Variants in CNOT6 observed in about 807,000 individuals in gnomAD.
CNOT6 encodes carbon catabolite repression 4 protein.
Under a neutral mutation model 61.2 loss-of-function variants are expected in CNOT6, and 12 were observed. That is an observed-to-expected ratio of 0.20 (90% CI 0.13 to 0.32). CNOT6 has a LOEUF of 0.32. CNOT6 is among the 10% of genes least tolerant of loss of function. The pLI is 1.00. For synonymous variants in CNOT6, 225 were observed against 240.6 expected (o/e 0.94, Z 0.60); for missense variants, 405 against 663.9 (o/e 0.61, Z 4.28).
intron 1 of CNOT6, among the ~76,000 whole-genome samples, chr5:180,520,957 G>C (rs1008910778): frequency 1.5e-4 from 23 of 151,492 alleles, no homozygotes; most frequent in African/African-American, 5.6e-4. Context: ...CAATTCTCCT[G>C]CCTCAGCCTC....
At chr5:180,527,364 C>T (rs1391804609) in intron 1 of CNOT6, among the ~76,000 whole-genome samples, 2 of 152,058 alleles carry the variant, frequency 1.3e-5, no homozygotes, top group East Asian at 1.9e-4. Context: ...GATATTTGGT[C>T]TTTTGTCATC....
At chr5:180,533,845 A>C (rs537657512) in intron 2 of CNOT6, among the ~76,000 whole-genome samples, 21 of 152,260 alleles carry the variant, frequency 1.4e-4, no homozygotes, top group African/African-American at 5.1e-4. Flanking sequence ...ACTCACACCA[A>C]GGAGATTATT....
chr5:180,544,968 A>C (rs1230486169), intron 2 of CNOT6, among the ~76,000 whole-genome samples: 1 of 152,194 alleles, frequency 6.6e-6, no homozygotes, highest in African/African-American at 2.4e-5. Context: ...GTCTCAAAAA[A>C]ACAACAAATT....
intron 2 of CNOT6, among the ~76,000 whole-genome samples, chr5:180,546,115 C>T (rs1161002047): frequency 3.3e-5 from 5 of 151,890 alleles, no homozygotes; most frequent in African/African-American, 7.3e-5. Context: ...AGGATGGTCT[C>T]GATGTCCTGA....
chr5:180,525,268 G>C (rs917138634), intron 1 of CNOT6, among the ~76,000 whole-genome samples: 17 of 152,154 alleles, frequency 1.1e-4, no homozygotes, highest in Non-Finnish European at 2.2e-4. Context: ...CGGGTGCGGT[G>C]GCTCATGCCT....
chr5:180,550,869 G>A (rs577821772), intron 3 of CNOT6, among the ~76,000 whole-genome samples: 3 of 152,266 alleles, frequency 2.0e-5, no homozygotes, highest in South Asian at 2.1e-4. Context: ...AAATTTGGGG[G>A]CCTGTAGCAT....
intron 6 of CNOT6, among the ~76,000 whole-genome samples, 167 bp downstream of exon 6, chr5:180,564,910 A>T (rs902419103): frequency 6.6e-6 from 1 of 152,248 alleles, no homozygotes; most frequent in East Asian, 1.9e-4. Flanking sequence ...CTCTATGTAT[A>T]CTACATTGTG....
At chr5:180,541,560 T>C (rs1424740524) in intron 2 of CNOT6, among the ~76,000 whole-genome samples, 1 of 148,588 alleles carries the variant, frequency 6.7e-6, no homozygotes, top group Non-Finnish European at 1.5e-5. Context: ...CACAGCATTT[T>C]CCTGCCTCAG....
intron 10 of CNOT6, among the ~76,000 whole-genome samples, chr5:180,570,978 G>A (rs1760720871): frequency 6.6e-6 from 1 of 152,172 alleles, no homozygotes; most frequent in African/African-American, 2.4e-5. Flanking sequence ...TTATCCACCA[G>A]CCCAATTGCA....
At chr5:180,538,588 C>A (rs1201483219) in intron 2 of CNOT6, among the ~76,000 whole-genome samples, 1 of 150,536 alleles carries the variant, frequency 6.6e-6, no homozygotes, top group Non-Finnish European at 1.5e-5. Flanking sequence ...GTCAGGAGGC[C>A]TAGGCAGGAG....
At chr5:180,538,069 C>T (rs995422540) in intron 2 of CNOT6, among the ~76,000 whole-genome samples, 44 of 134,010 alleles carry the variant, frequency 3.3e-4, no homozygotes, top group African/African-American at 1.0e-3. Flanking sequence ...GACGGAGTCT[C>T]GCTCTGTTGC....
chr5:180,531,093 A>G (rs1365998334), intron 2 of CNOT6, among the ~76,000 whole-genome samples: 1 of 151,710 alleles, frequency 6.6e-6, no homozygotes, highest in Non-Finnish European at 1.5e-5. Context: ...CACCTCCCAG[A>G]TGGGGTGGCG....
At position 180,500,261 on chromosome 5, in the gene CNOT6, C is replaced by A. The variant is rs116104040; in HGVS notation, c.-3+5498C>A. Reference sequence around the variant, plus strand: ...GAGTACCTGGTATCACAGGTGTGTGCCACCACACCTGGCTGATTTTTCTTA... The same window carrying A: ...GAGTACCTGGTATCACAGGTGTGTGACACCACACCTGGCTGATTTTTCTTA... On this transcript the variant is annotated intron_variant, in intron 1 of 11. Coordinates refer to ENST00000261951, the MANE Select transcript of CNOT6 (RefSeq NM_001370472.1). Among the ~76,000 whole-genome samples, 379 of 151,962 alleles carry A rather than the reference C, an allele frequency of 2.5e-3. 1 individual carries two copies. Among genetic ancestry groups the A allele is most frequent in the African/African-American group, 8.7e-3 (359 of 41,432 alleles).
chr5:180,538,715 TAC>T lies in CNOT6; in HGVS notation c.112+9329_112+9330del, dbSNP rs973744578. ...ATATATATATATATATATATATATA[TAC>T]AAAAAAATTAGCCAGGTGTGGTAGT... On this transcript the variant is annotated intron_variant, in intron 2 of 11. Transcript: ENST00000261951. Among the ~76,000 whole-genome samples the T allele has an allele frequency of 3.6e-5, 5 of 138,358 alleles. 1 individual carries two copies. Among genetic ancestry groups the T allele is most frequent in the African/African-American group, 1.4e-4 (5 of 36,290 alleles). 90.8% of individuals were successfully genotyped at this position (138,358 alleles called of 152,430 possible).
intron 2 of CNOT6, among the ~76,000 whole-genome samples, chr5:180,530,561 C>CTTTTTTTTTTTT (rs70973925): frequency 1.7e-5 from 2 of 119,446 alleles, no homozygotes; most frequent in Admixed American, 8.4e-5. Flanking sequence ...CTTCTGATTT[C>CTTTTTTTTTTTT]TTTTTTTTTT....
chr5:180,541,441 ATTT>A (rs1163850404), intron 2 of CNOT6, among the ~76,000 whole-genome samples: 4 of 106,576 alleles, frequency 3.8e-5, no homozygotes, highest in African/African-American at 1.2e-4. Flanking sequence ...TGGCCAAGAA[ATTT>A]TTTTTTTTTT....
chr5:180,530,283 G>A (rs72812949), intron 2 of CNOT6, among the ~76,000 whole-genome samples: 2,883 of 152,306 alleles, frequency 0.019, 37 homozygotes, highest in Non-Finnish European at 0.027. Context: ...GCCCACGTGC[G>A]TGGAAGATCT....
intron 1 of CNOT6, among the ~76,000 whole-genome samples, chr5:180,502,333 CATA>C (rs1418520124): frequency 1.3e-5 from 2 of 152,056 alleles, no homozygotes; most frequent in African/African-American, 4.8e-5. Flanking sequence ...GATGTAAAAT[CATA>C]ATATTACAAT....
intron 2 of CNOT6, among the ~76,000 whole-genome samples, chr5:180,544,876 G>C (rs564464797): frequency 6.6e-6 from 1 of 152,030 alleles, no homozygotes; most frequent in African/African-American, 2.4e-5. Flanking sequence ...GGAGGATCAC[G>C]TGAGCCTAGG....
Sources: allele counts gnomAD v4.1 joint callset (sites outside exome capture counted in the v4.1 genomes callset), GRCh38; gene constraint gnomAD v4.1.1; transcripts MANE v1.5; gene names NCBI Gene and HGNC (gene_info 2026-07-23, HGNC 2026-07-21).